The following LRRC4C variants were observed in gnomAD, a reference collection of about 807,000 sequenced individuals.
The protein encoded by LRRC4C is leucine rich repeat containing 4C.
A neutral mutation model predicts 33.6 loss-of-function variants in LRRC4C; 5 were observed. The ratio of observed to expected loss-of-function variants is 0.15; its 90% CI spans 0.08 to 0.31. The LOEUF is 0.31. Ranked by LOEUF, LRRC4C falls within the 10% of genes least tolerant of loss-of-function variation. The pLI, the probability that LRRC4C is intolerant of heterozygous loss-of-function variation, is 1.00. For missense variants in LRRC4C, 560 were observed against 796.7 expected (o/e 0.70, Z 3.58); for synonymous variants, 329 against 302.0 (o/e 1.09, Z -0.93).
At chr11:41,229,468 T>C (rs1225839753) in intron 1 of LRRC4C, among the ~76,000 whole-genome samples, 1 of 152,114 alleles carries the variant, frequency 6.6e-6, no homozygotes, top group Non-Finnish European at 1.5e-5. Context: ...ATAGCAACGA[T>C]CACCATGTGT....
At chr11:40,277,690 T>C (rs1426236827) in intron 4 of LRRC4C, among the ~76,000 whole-genome samples, 1 of 152,134 alleles carries the variant, frequency 6.6e-6, no homozygotes, top group African/African-American at 2.4e-5. Context: ...CTCTGTGACA[T>C]GGGTAAGTCA....
chr11:41,299,849 C>CTAT lies in LRRC4C; in HGVS notation c.-496+159579_-496+159581dup, dbSNP rs139605525. ...GATAACTATTCATATATTTGAGAGG[C>CTAT]TATTGTCTAGAAGGGAAATGAACTT... On this transcript the variant is annotated intron_variant, in intron 1 of 6. Coordinates refer to ENST00000528697, the MANE Select transcript of LRRC4C (RefSeq NM_001258419.2). 3.5e-3 allele frequency among the ~76,000 whole-genome samples: 527 copies of CTAT among 152,104 alleles called. 4 individuals are homozygous for CTAT. The highest frequency in any genetic ancestry group is 0.012 in the African/African-American group (503 of 41,522).
At chr11:40,215,994 C>A (rs541407064) in intron 5 of LRRC4C, among the ~76,000 whole-genome samples, 1 of 152,002 alleles carries the variant, frequency 6.6e-6, no homozygotes, top group African/African-American at 2.4e-5. Context: ...CTTTGTTCAA[C>A]GCTGGTAATG....
intron 4 of LRRC4C, among the ~76,000 whole-genome samples, chr11:40,277,803 G>T (rs1943219022): frequency 6.6e-6 from 1 of 152,020 alleles, no homozygotes; most frequent in Non-Finnish European, 1.5e-5. Context: ...TTTAGAGGGT[G>T]CCTACTCACA....
intron 3 of LRRC4C, among the ~76,000 whole-genome samples, chr11:40,448,052 T>C (rs1951719581): frequency 6.6e-6 from 1 of 152,016 alleles, no homozygotes. Flanking sequence ...CCTGACCGCC[T>C]ACCTCAGTCC....
At chr11:40,138,275 C>T (rs1461332688) in intron 6 of LRRC4C, among the ~76,000 whole-genome samples, 2 of 151,920 alleles carry the variant, frequency 1.3e-5, no homozygotes, top group African/African-American at 4.8e-5. Context: ...TCAAGTAAAC[C>T]TTCTACCTCA....
chr11:40,719,382 A>G (rs1006867540), intron 2 of LRRC4C, among the ~76,000 whole-genome samples: 1 of 152,224 alleles, frequency 6.6e-6, no homozygotes, highest in Non-Finnish European at 1.5e-5. Flanking sequence ...CAACTAAAAA[A>G]GGGAGTTAAA....
At chr11:40,478,446 T>C (rs1346014324) in intron 3 of LRRC4C, among the ~76,000 whole-genome samples, 1 of 152,150 alleles carries the variant, frequency 6.6e-6, no homozygotes, top group African/African-American at 2.4e-5. Flanking sequence ...TGTCATGCAA[T>C]TGAGTTTGTA....
At chr11:40,682,553 A>T (rs1944743709) in intron 2 of LRRC4C, among the ~76,000 whole-genome samples, 1 of 152,054 alleles carries the variant, frequency 6.6e-6, no homozygotes. Flanking sequence ...AGGCAGGTAG[A>T]TCACCTGAGA....
intron 1 of LRRC4C, among the ~76,000 whole-genome samples, chr11:41,170,484 G>A (rs1944925240): frequency 6.6e-6 from 1 of 152,150 alleles, no homozygotes; most frequent in South Asian, 2.1e-4. Context: ...TGACAAGCCT[G>A]ACAAAAACAA....
chr11:40,624,825 ATAAATGAC>A (rs1453695947), intron 3 of LRRC4C, among the ~76,000 whole-genome samples: 1 of 152,174 alleles, frequency 6.6e-6, no homozygotes, highest in African/African-American at 2.4e-5. Context: ...ATAAGTCTGG[ATAAATGAC>A]TACCACATTT....
chr11:40,681,907 G>A (rs1410482390), intron 2 of LRRC4C, among the ~76,000 whole-genome samples: 1 of 152,118 alleles, frequency 6.6e-6, no homozygotes, highest in East Asian at 1.9e-4. Context: ...AGGACACAGA[G>A]GCATAAAAAT....
At chr11:41,189,088 CA>C (rs1945832039) in intron 1 of LRRC4C, among the ~76,000 whole-genome samples, 2 of 152,002 alleles carry the variant, frequency 1.3e-5, no homozygotes, top group Admixed American at 6.6e-5. Flanking sequence ...ATTTATTCAA[CA>C]AAGATTTATA....
chr11:40,253,949 C>A (rs1033927162), intron 4 of LRRC4C, among the ~76,000 whole-genome samples: 1 of 152,174 alleles, frequency 6.6e-6, no homozygotes, highest in African/African-American at 2.4e-5. Context: ...AGTTAAAAAT[C>A]ATGCCCTTTC....
chr11:41,102,275 C>G (rs533177574), intron 1 of LRRC4C, among the ~76,000 whole-genome samples: 3 of 151,960 alleles, frequency 2.0e-5, no homozygotes, highest in Admixed American at 6.6e-5. Flanking sequence ...TGCATTTTAC[C>G]TTTCATGGGT....
chr11:40,905,411 C>T (rs1185820538), intron 2 of LRRC4C, among the ~76,000 whole-genome samples: 1 of 151,708 alleles, frequency 6.6e-6, no homozygotes, highest in Non-Finnish European at 1.5e-5. Context: ...AAAAAAAGTA[C>T]CATCTTTGAG....
intron 1 of LRRC4C, among the ~76,000 whole-genome samples, chr11:41,263,850 A>T (rs770373112): frequency 7.2e-5 from 11 of 152,134 alleles, no homozygotes; most frequent in Admixed American, 5.2e-4. Flanking sequence ...ACATAGGATG[A>T]CTGAACAGAT....
chr11:40,718,705 G>A lies in LRRC4C; in HGVS notation c.-406-70427C>T, dbSNP rs1274863097. Reference sequence around the variant, plus strand: ...ATACAGAAACTTCTGGAATAAGCAAGCGCTCACAAAAGCATGCTGCTATTT... The same window carrying A: ...ATACAGAAACTTCTGGAATAAGCAAACGCTCACAAAAGCATGCTGCTATTT... On this transcript the variant is annotated intron_variant, in intron 2 of 6. Coordinates refer to ENST00000528697, the MANE Select transcript of LRRC4C (RefSeq NM_001258419.2). 3.9e-5 allele frequency among the ~76,000 whole-genome samples: 6 copies of A among 152,152 alleles called. No individual in the cohort carries two copies. The East Asian group carries it at 1.2e-3, about 29-fold the overall frequency.
At chr11:40,656,275 T>A (rs1407442570) in intron 2 of LRRC4C, among the ~76,000 whole-genome samples, 3 of 151,956 alleles carry the variant, frequency 2.0e-5, no homozygotes, top group African/African-American at 7.3e-5. Flanking sequence ...CCTTCCCTAT[T>A]CTCCCATTCT....
Sources: gnomAD v4.1 joint callset for allele counts (sites outside exome capture counted in the v4.1 genomes callset) on GRCh38, gnomAD v4.1.1 for gene constraint, MANE v1.5 for transcripts, NCBI Gene and HGNC (gene_info 2026-07-23, HGNC 2026-07-21) for gene names.